ABHD2: variants seen among roughly 807,000 people sequenced by gnomAD.
ABHD2 encodes abhydrolase domain containing 2, acylglycerol lipase, also known as monoacylglycerol lipase ABHD2.
ABHD2 carries 20 observed loss-of-function variants against 48.1 expected under a neutral mutation model. The ratio of observed to expected loss-of-function variants is 0.42; its 90% CI spans 0.29 to 0.60. The LOEUF (loss-of-function observed/expected upper bound fraction) is 0.60, where lower values mean the gene tolerates loss of function less well. Ranked by LOEUF, ABHD2 falls within the 20% of genes least tolerant of loss-of-function variation. The pLI is 0.24. For missense variants in ABHD2, 405 were observed against 550.9 expected (o/e 0.74, Z 2.65); for synonymous variants, 209 against 214.2 (o/e 0.98, Z 0.21).
At chr15:89,093,173 C>CTTTTTTTTTTTTTTTTTTTTTTTTTTTT (rs71149272) in intron 1 of ABHD2, among the ~76,000 whole-genome samples, 1 of 71,782 alleles carries the variant, frequency 1.4e-5, no homozygotes, top group Non-Finnish European at 2.8e-5. Context: ...TTTTTTCATT[C>CTTTTTTTTTTTTTTTTTTTTTTTTTTTT]TTTTTTTTTT....
chr15:89,041,291 A>G, the ABHD2 span: 6 of 152,258 alleles, frequency 3.9e-5, no homozygotes, highest in Admixed American at 2.6e-4. Context: ...TTGCAGAATC[A>G]TGAGCAAATG....
In ABHD2 at chr15:89,195,480, C is replaced by T; in HGVS notation, c.*57C>T. 6.4e-7 allele frequency: 1 copy of T among 1,552,948 alleles called. No homozygotes were observed. The highest frequency in any genetic ancestry group is 8.7e-7 in the Non-Finnish European group (1 of 1,149,856). On this transcript the variant is annotated 3_prime_UTR_variant, in exon 11 of 11. Coordinates refer to ENST00000352732, the MANE Select transcript of ABHD2 (RefSeq NM_152924.5). The surrounding 1 kb of genome is among the most constrained non-coding windows in gnomAD (Gnocchi z 5.1). ...CTCCTCTGGAAGCTGCGTCCCCTCA[C>T]CCCCTGTTTCAGGTCTCCCATCTCC...
chr15:89,084,957 G>C (rs1029687408), upstream of ABHD2, among the ~76,000 whole-genome samples: 1 of 152,184 alleles, frequency 6.6e-6, no homozygotes, highest in East Asian at 1.9e-4. The surrounding 1 kb of genome is among the most constrained non-coding windows in gnomAD (Gnocchi z 4.4). Context: ...CAGCAGTAGA[G>C]CTTCCAAATC....
chr15:89,065,073 G>A, the ABHD2 span, among the ~76,000 whole-genome samples: 3 of 152,050 alleles, frequency 2.0e-5, no homozygotes, highest in African/African-American at 7.2e-5. Context: ...TAAGTCTACT[G>A]GATAAAAGAA....
At chr15:89,127,712 TATATATACAC>T (rs1386458850) in intron 3 of ABHD2, among the ~76,000 whole-genome samples, 6 of 89,064 alleles carry the variant, frequency 6.7e-5, no homozygotes, top group African/African-American at 3.6e-4. Context: ...TATACATATA[TATATATACAC>T]ATATATATAT....
chr15:89,081,267 G>A, the ABHD2 span, among the ~76,000 whole-genome samples: 1 of 143,974 alleles, frequency 6.9e-6, no homozygotes, highest in Non-Finnish European at 1.5e-5. Flanking sequence ...CAATCCTCTT[G>A]CCTCTGCCTC....
chr15:89,110,365 T>C (rs772150793), intron 1 of ABHD2, among the ~76,000 whole-genome samples: 14 of 152,170 alleles, frequency 9.2e-5, no homozygotes, highest in African/African-American at 3.4e-4. Flanking sequence ...CCCGGCCTTA[T>C]TGTCTTTTTT....
At chr15:89,058,225 C>T in the ABHD2 span, among the ~76,000 whole-genome samples, 1 of 152,166 alleles carries the variant, frequency 6.6e-6, no homozygotes, top group African/African-American at 2.4e-5. Flanking sequence ...CAGGTCCACC[C>T]ACCCACGCTC....
chr15:89,090,692 G>A (rs1472040901), intron 1 of ABHD2, among the ~76,000 whole-genome samples: 3 of 152,120 alleles, frequency 2.0e-5, no homozygotes, highest in Non-Finnish European at 2.9e-5. Flanking sequence ...AGTGAGGGGT[G>A]GGAATCCCTC....
At chr15:89,130,890 CA>C (rs2050208355) in intron 3 of ABHD2, among the ~76,000 whole-genome samples, 1 of 152,162 alleles carries the variant, frequency 6.6e-6, no homozygotes, top group Admixed American at 6.5e-5. Flanking sequence ...GGCTCGTGCC[CA>C]TGCCTAACTT....
rs188194709 is a variant in ABHD2 at position 89,142,964 on chromosome 15, C to T, written c.195-8713C>T. Reference sequence around the variant, plus strand: ...GAATTTTTCTTTGGGAAAATATTTTCTAAAACAAAGTCTGCTGAGCCAATT... The same window carrying T: ...GAATTTTTCTTTGGGAAAATATTTTTTAAAACAAAGTCTGCTGAGCCAATT... On this transcript the variant is annotated intron_variant, in intron 3 of 10. Transcript: ENST00000352732. Among the ~76,000 whole-genome samples the T allele has an allele frequency of 3.8e-3, 580 of 152,194 alleles. 2 individuals carry two copies. The highest frequency in any genetic ancestry group is 6.9e-3 in the Non-Finnish European group (472 of 68,008).
In ABHD2 at chr15:89,100,421, G is replaced by C. The variant is rs2049683109; in HGVS notation, c.-107+11858G>C. Among the ~76,000 whole-genome samples the C allele has an allele frequency of 2.6e-5, 4 of 152,012 alleles. No homozygotes were observed. The highest frequency in any genetic ancestry group is 9.7e-5 in the African/African-American group (4 of 41,362). On this transcript the variant is annotated intron_variant, in intron 1 of 10. Transcript: ENST00000352732. The surrounding 1 kb of genome is among the most constrained non-coding windows in gnomAD (Gnocchi z 4.4). ...CCACTTGCCCGAAGCCACACAACTA[G>C]TAAGTAGTGTAGCTGCAGTTCAGGT...
chr15:89,134,721 T>C (rs1348494148), intron 3 of ABHD2, among the ~76,000 whole-genome samples: 2 of 152,168 alleles, frequency 1.3e-5, no homozygotes, highest in Non-Finnish European at 2.9e-5. Context: ...AAAATTGACA[T>C]GTTTGTGATG....
rs1361790020 is a variant in ABHD2 at position 89,186,128 on chromosome 15, G to A, written c.815+612G>A. On this transcript the variant is annotated intron_variant, in intron 7 of 10. Transcript: ENST00000352732. This position sits in a 1 kb window ranked among gnomAD's most constrained non-coding sequence, Gnocchi z 4.3. Reference sequence around the variant, plus strand: ...TGTCATTGTTGAGGAGACCTTCCCTGTAGGATGCTTCTGTGCCTGGGGGAT... The same window carrying A: ...TGTCATTGTTGAGGAGACCTTCCCTATAGGATGCTTCTGTGCCTGGGGGAT... Among the ~76,000 whole-genome samples, 1 of 152,154 alleles carries A rather than the reference G, an allele frequency of 6.6e-6. No individual in the cohort carries two copies. The highest frequency in any genetic ancestry group is 2.4e-5 in the African/African-American group (1 of 41,442).
chr15:89,057,494 A>T, the ABHD2 span, among the ~76,000 whole-genome samples: 3 of 152,204 alleles, frequency 2.0e-5, no homozygotes, highest in Non-Finnish European at 4.4e-5. Flanking sequence ...ATGGTTAGCA[A>T]ACAGCTGAGA....
chr15:89,047,386 G>A, the ABHD2 span, among the ~76,000 whole-genome samples: 1 of 152,024 alleles, frequency 6.6e-6, no homozygotes, highest in Non-Finnish European at 1.5e-5. Context: ...GATTTGGGGT[G>A]GAGAGTTCTG....
At position 89,180,931 on chromosome 15, in the gene ABHD2, T is replaced by A. The variant is rs1406000847; in HGVS notation, c.723-4493T>A. Among the ~76,000 whole-genome samples the A allele has an allele frequency of 5.3e-5, 8 of 152,162 alleles. 1 individual carries two copies. On this transcript the variant is annotated intron_variant, in intron 6 of 10. Coordinates refer to ENST00000352732, the MANE Select transcript of ABHD2 (RefSeq NM_152924.5). ...TATATAACACGACAGAATGTATATA[T>A]TAAAAGTAGGGAAGGGCCGGGTGCG...
rs185453773 is a variant in ABHD2, at chr15:89,192,830, C to G, written c.997-405C>G. ...TCCCAAAGTGCTGGGATTACAGGCA[C>G]GAACCACTGTGCCCAGCCTTGGCCT... On this transcript the variant is annotated intron_variant, in intron 9 of 10. Transcript: ENST00000352732. Among the ~76,000 whole-genome samples, 16 of 152,242 alleles carry G rather than the reference C, an allele frequency of 1.1e-4. No homozygotes were observed. The East Asian group carries it at 1.2e-3, about 11-fold the overall frequency.
the ABHD2 span, among the ~76,000 whole-genome samples, chr15:89,047,468 C>G: frequency 6.6e-6 from 1 of 151,164 alleles, no homozygotes; most frequent in East Asian, 1.9e-4. Flanking sequence ...CTTTCTGTCT[C>G]ATTGATCTGT....
Sources: gnomAD v4.1 joint callset for allele counts (sites outside exome capture counted in the v4.1 genomes callset) on GRCh38, gnomAD v4.1.1 for gene constraint, Gnocchi (gnomAD v3.1) non-coding constraint, MANE v1.5 for transcripts, NCBI Gene and HGNC (gene_info 2026-07-23, HGNC 2026-07-21) for gene names.